Variants in FAM135B observed in about 807,000 individuals in gnomAD.
The protein encoded by FAM135B is protein FAM135B.
In FAM135B, 43 loss-of-function variants were observed where a neutral mutation model predicts 127.7. The observed-to-expected ratio is 0.34, with a 90% CI of 0.26 to 0.43. The LOEUF (loss-of-function observed/expected upper bound fraction) is 0.43. Among genes scored for constraint, FAM135B ranks in the 20% least tolerant of loss-of-function variants. The probability of loss-of-function intolerance (pLI) is 1.00; values close to 1 mark genes in which losing one functional copy is unlikely to be tolerated. For missense variants in FAM135B, 1,558 were observed against 1,725.6 expected (o/e 0.90, Z 1.72); for synonymous variants, 670 against 665.1 (o/e 1.01, Z -0.11).
chr8:138,304,974 G>A (rs1826135823), intron 3 of FAM135B, among the ~76,000 whole-genome samples: 2 of 152,270 alleles, frequency 1.3e-5, no homozygotes, highest in East Asian at 3.9e-4. Flanking sequence ...CCGGCCCTGG[G>A]TAGGCTCTTC....
chr8:138,413,268 G>A (rs1375851815), intron 1 of FAM135B, among the ~76,000 whole-genome samples: 1 of 151,892 alleles, frequency 6.6e-6, no homozygotes, highest in Non-Finnish European at 1.5e-5. Context: ...ATTCCTTATT[G>A]GTACTTTCCA....
At position 138,242,270 on chromosome 8, in the gene FAM135B, CTGTT is replaced by C. The variant is rs769889827; in HGVS notation, c.669+668_669+671del. ...TCTGGAGAACCCTGAATAATACAGGCTGTTTATTTATGAGTAGGCCACTAATAAA... is the reference window on the plus strand; with the variant it reads ...TCTGGAGAACCCTGAATAATACAGGCTATTTATGAGTAGGCCACTAATAAA... On this transcript the variant is annotated intron_variant, in intron 7 of 19. Coordinates refer to ENST00000395297, the MANE Select transcript of FAM135B (RefSeq NM_015912.4). This position sits in a 1 kb window ranked among gnomAD's most constrained non-coding sequence, Gnocchi z 9.6. Among the ~76,000 whole-genome samples the C allele has an allele frequency of 2.7e-5, 4 of 149,188 alleles. No individual in the cohort carries two copies. Among genetic ancestry groups the C allele is most frequent in the Non-Finnish European group, 4.4e-5 (3 of 67,692 alleles).
intron 9 of FAM135B, among the ~76,000 whole-genome samples, chr8:138,187,158 T>C (rs1170981523): frequency 6.6e-6 from 1 of 152,182 alleles, no homozygotes; most frequent in Non-Finnish European, 1.5e-5. Context: ...CTCCCTTTCC[T>C]TGTATGGTAT....
intron 1 of FAM135B, among the ~76,000 whole-genome samples, chr8:138,391,175 G>A (rs1832550164): frequency 6.7e-6 from 1 of 148,776 alleles, no homozygotes; most frequent in Non-Finnish European, 1.5e-5. Context: ...CATTAAGGCT[G>A]AGCTCCTTGT....
chr8:138,340,385 T>A (rs545982832), intron 2 of FAM135B, among the ~76,000 whole-genome samples: 1 of 152,288 alleles, frequency 6.6e-6, no homozygotes, highest in African/African-American at 2.4e-5. Context: ...TCTCACTAAA[T>A]CCTCATGACT....
chr8:138,457,026 A>G (rs1415094903), intron 1 of FAM135B, among the ~76,000 whole-genome samples: 1 of 39,582 alleles, frequency 2.5e-5, no homozygotes, highest in African/African-American at 6.2e-5. Flanking sequence ...TAAAAGGAAC[A>G]AAAAAAAAAA....
intron 1 of FAM135B, among the ~76,000 whole-genome samples, chr8:138,434,454 C>T (rs970706347): frequency 5.9e-5 from 9 of 152,072 alleles, no homozygotes; most frequent in Non-Finnish European, 1.0e-4. Flanking sequence ...AGATGAGGAA[C>T]CTAAGGCTCA....
chr8:138,169,993 ATC>A (rs1225278887), intron 11 of FAM135B, among the ~76,000 whole-genome samples: 1 of 152,196 alleles, frequency 6.6e-6, no homozygotes, highest in African/African-American at 2.4e-5. Flanking sequence ...ATCAGCGCCT[ATC>A]TCTGATTGCA....
At chr8:138,219,362 C>T (rs16908622) in intron 7 of FAM135B, among the ~76,000 whole-genome samples, 4,033 of 152,198 alleles carry the variant, frequency 0.026, 109 homozygotes, top group East Asian at 0.13. Context: ...TCTCCTGTAA[C>T]TTCTAACATT....
At chr8:138,257,911 A>C (rs1822229558) in intron 4 of FAM135B, among the ~76,000 whole-genome samples, 1 of 151,984 alleles carries the variant, frequency 6.6e-6, no homozygotes. Flanking sequence ...ACAAAACAAA[A>C]CAAAACAAAA....
At chr8:138,156,427 G>T (rs1818751884) in intron 12 of FAM135B, among the ~76,000 whole-genome samples, 2 of 151,952 alleles carry the variant, frequency 1.3e-5, no homozygotes, top group South Asian at 4.2e-4. Flanking sequence ...CTAGCAGAAG[G>T]CAAGAAATAA....
chr8:138,430,147 C>G (rs1386858472), intron 1 of FAM135B, among the ~76,000 whole-genome samples: 1 of 152,146 alleles, frequency 6.6e-6, no homozygotes, highest in East Asian at 1.9e-4. Flanking sequence ...TCTGTCTTCT[C>G]CTGATCCTTC....
chr8:138,261,126 C>G (rs907909936), intron 4 of FAM135B, among the ~76,000 whole-genome samples: 2 of 151,796 alleles, frequency 1.3e-5, no homozygotes, highest in Non-Finnish European at 2.9e-5. Flanking sequence ...ATCAACTCAG[C>G]CCCCTTTCTG....
chr8:138,340,345 A>T (rs1188031932), intron 2 of FAM135B, among the ~76,000 whole-genome samples: 1 of 152,234 alleles, frequency 6.6e-6, no homozygotes, highest in Non-Finnish European at 1.5e-5. Context: ...TCTATGCTCC[A>T]GGCCTGTGTG....
chr8:138,442,827 G>A (rs1026570187), intron 1 of FAM135B, among the ~76,000 whole-genome samples: 2 of 152,120 alleles, frequency 1.3e-5, no homozygotes, highest in African/African-American at 2.4e-5. Context: ...CTCTAGCTGT[G>A]TCTATAATTT....
chr8:138,444,584 A>C (rs1835997287), intron 1 of FAM135B, among the ~76,000 whole-genome samples: 1 of 152,230 alleles, frequency 6.6e-6, no homozygotes, highest in Non-Finnish European at 1.5e-5. Flanking sequence ...GCAGAAATAA[A>C]GATGTTCTTT....
chr8:138,442,059 C>T (rs1519390), intron 1 of FAM135B, among the ~76,000 whole-genome samples: 2 of 150,862 alleles, frequency 1.3e-5, no homozygotes, highest in Non-Finnish European at 1.5e-5. Flanking sequence ...AGCAGGCAAA[C>T]GATGTGAAGG....
At chr8:138,156,170 A>G (rs1325149145) in intron 12 of FAM135B, among the ~76,000 whole-genome samples, 1 of 152,208 alleles carries the variant, frequency 6.6e-6, no homozygotes, top group Non-Finnish European at 1.5e-5. Context: ...CTACATGGAA[A>G]CTGAACAACC....
Position 138,141,367 on chromosome 8 carries a change from G to C in FAM135B, c.3639-18C>G, listed in dbSNP as rs2130600459. On this transcript the variant is annotated intron_variant, in intron 16 of 19. Transcript: ENST00000395297. This position sits in a 1 kb window ranked among gnomAD's most constrained non-coding sequence, Gnocchi z 4.7. Reference sequence around the variant, plus strand: ...CAATGAAGCTGTGGAGAAACAGAAGGGGTACCCATGAGTGTGACGGTGAAT... The same window carrying C: ...CAATGAAGCTGTGGAGAAACAGAAGCGGTACCCATGAGTGTGACGGTGAAT... The C allele has an allele frequency of 8.7e-6, 14 of 1,613,794 alleles. No homozygotes were observed. Among genetic ancestry groups the C allele is most frequent in the Non-Finnish European group, 1.2e-5 (14 of 1,179,792 alleles).
Sources: gnomAD v4.1 joint callset for allele counts (sites outside exome capture counted in the v4.1 genomes callset) on GRCh38, gnomAD v4.1.1 for gene constraint, Gnocchi (gnomAD v3.1) non-coding constraint, MANE v1.5 for transcripts, NCBI Gene and HGNC (gene_info 2026-07-23, HGNC 2026-07-21) for gene names.